COL24A1: variants seen among roughly 807,000 people sequenced by gnomAD.
COL24A1 encodes collagen type XXIV alpha 1 chain, also known as collagen alpha-1(XXIV) chain.
Under a neutral mutation model 253.9 loss-of-function variants are expected in COL24A1, and 224 were observed. The ratio of observed to expected loss-of-function variants is 0.88; its 90% CI spans 0.79 to 0.99. The LOEUF is 0.99. Ranked by LOEUF, COL24A1 falls within the 50% of genes least tolerant of loss-of-function variation. The pLI is 0.00. For synonymous variants in COL24A1, 685 were observed against 673.7 expected, an observed-to-expected ratio of 1.02 and a Z score of -0.26; for missense variants, 2,131 against 2,068.5, an observed-to-expected ratio of 1.03 and a Z score of -0.59.
chr1:86,006,323 C>T (rs951078543), intron 19 of COL24A1, among the ~76,000 whole-genome samples: 22 of 152,120 alleles, frequency 1.4e-4, no homozygotes, highest in East Asian at 3.9e-4. Flanking sequence ...AGTAGATGAG[C>T]GGAACAGAAT....
chr1:85,960,053 T>G (rs1690861334), intron 24 of COL24A1, among the ~76,000 whole-genome samples: 1 of 152,150 alleles, frequency 6.6e-6, no homozygotes, highest in Admixed American at 6.5e-5. Context: ...GACTCAGGAT[T>G]AATTAGGTAT....
Position 86,125,446 on chromosome 1 carries a change from T to G in COL24A1, c.890A>C (p.Asp297Ala), listed in dbSNP as rs1261081535. 1.2e-5 allele frequency: 19 copies of G among 1,613,630 alleles called. No homozygotes were observed. The highest frequency in any genetic ancestry group is 1.6e-5 in the Non-Finnish European group (19 of 1,179,788). The stretch of plus-strand genomic sequence containing the variant: ...TTGTCTTTTATACACGGTTTCAGAA[T>G]CATTTTTTATGATATTTGGAATGCT... ...GKSIPNIIKN[D>A]SETVYKRQEH... The change falls in exon 3 of 60, where the codon GAT becomes GCT. Residue 297 changes from aspartate (D) to alanine (A), a missense_variant. Asp to Ala is a moderately radical substitution (Grantham distance 126, BLOSUM62 -2). Coordinates refer to ENST00000370571, the MANE Select transcript of COL24A1 (RefSeq NM_152890.7).
intron 43 of COL24A1, among the ~76,000 whole-genome samples, chr1:85,825,752 C>A (rs1218059614): frequency 7.3e-6 from 1 of 136,542 alleles, no homozygotes; most frequent in African/African-American, 2.8e-5. Flanking sequence ...ATGTCCTTTG[C>A]CCACTTTTTG....
At chr1:85,998,078 T>C (rs1389658155) in intron 19 of COL24A1, among the ~76,000 whole-genome samples, 2 of 152,220 alleles carry the variant, frequency 1.3e-5, no homozygotes, top group East Asian at 3.8e-4. Flanking sequence ...TTCTGATTTT[T>C]TTAACTTAAA....
At chr1:85,964,957 T>A (rs1317939163) in intron 23 of COL24A1, 52 bp downstream of exon 23, 1 of 1,482,390 alleles carries the variant, frequency 6.7e-7, no homozygotes, top group Non-Finnish European at 9.3e-7. Flanking sequence ...GTCATAATTT[T>A]ATCTTTCTGA....
At chr1:85,910,209 T>C (rs1209776590) in intron 25 of COL24A1, among the ~76,000 whole-genome samples, 1 of 151,862 alleles carries the variant, frequency 6.6e-6, no homozygotes, top group Non-Finnish European at 1.5e-5. Context: ...TCTTAAGATG[T>C]TTTTTGGAGA....
Position 85,874,507 on chromosome 1 carries a change from A to T in COL24A1, c.3138+142T>A, listed in dbSNP as rs1048563648. The T allele has an allele frequency of 2.6e-5, 19 of 744,312 alleles. No individual in the cohort carries two copies. The East Asian group carries it at 3.3e-4, about 13-fold the overall frequency. The allele number at this position is 744,312 out of a possible 1,614,324, so 46.1% of individuals were successfully genotyped here. On this transcript the variant is annotated intron_variant, in intron 35 of 59. Transcript: ENST00000370571. The stretch of plus-strand genomic sequence containing the variant: ...GACAAGGTTTGGGATGCAGCTTTTG[A>T]AAGTATGAAATGAAACCAAACATTT...
chr1:85,898,021 T>G (rs1160635444), intron 28 of COL24A1, among the ~76,000 whole-genome samples: 1 of 152,128 alleles, frequency 6.6e-6, no homozygotes, highest in Non-Finnish European at 1.5e-5. Context: ...TATAGAGGCA[T>G]GAAAACAGAT....
At chr1:86,100,241 G>A (rs1420068663) in intron 5 of COL24A1, among the ~76,000 whole-genome samples, 1 of 152,040 alleles carries the variant, frequency 6.6e-6, no homozygotes, top group Non-Finnish European at 1.5e-5. Flanking sequence ...TTTGGATTTA[G>A]TAAACTGTTG....
At chr1:85,907,789 T>C (rs989840427) in intron 27 of COL24A1, among the ~76,000 whole-genome samples, 3 of 151,890 alleles carry the variant, frequency 2.0e-5, no homozygotes, top group African/African-American at 7.2e-5. Context: ...ATTATTTTTA[T>C]AGCTATAGTC....
chr1:86,023,085 T>G (rs1233983118), intron 14 of COL24A1, 78 bp from the exon 15 acceptor site: 1 of 1,399,668 alleles, frequency 7.1e-7, no homozygotes, highest in Non-Finnish European at 9.9e-7. Flanking sequence ...ATTAATAAAT[T>G]AATGAACCCA....
At chr1:85,835,089 G>A (rs1275508900) in intron 43 of COL24A1, among the ~76,000 whole-genome samples, 1 of 152,036 alleles carries the variant, frequency 6.6e-6, no homozygotes, top group African/African-American at 2.4e-5. Context: ...GCCCATGGCA[G>A]ACACTCAAAT....
At position 86,017,079 on chromosome 1, in the gene COL24A1, AC is replaced by A. The variant is rs965423476; in HGVS notation, c.2310+71del. 43 of 1,356,308 alleles carry A rather than the reference AC, an allele frequency of 3.2e-5. No individual in the cohort carries two copies. In the Middle Eastern group the frequency reaches 5.4e-4, roughly 17 times the overall value. The allele number at this position is 1,356,308 out of a possible 1,614,324, so 84.0% of individuals were successfully genotyped here. ...TCTTTCTTAAGCTTGCTATGTTGAA[AC>A]ATGTTTTATCAAACAAGTTTAATTT... On this transcript the variant is annotated intron_variant, in intron 19 of 59. Transcript: ENST00000370571.
chr1:86,071,077 G>C (rs1337193826), intron 7 of COL24A1, among the ~76,000 whole-genome samples: 1 of 151,964 alleles, frequency 6.6e-6, no homozygotes, highest in Non-Finnish European at 1.5e-5. Context: ...ACAACAAAAA[G>C]TTTAAAAATG....
In COL24A1 at chr1:86,046,878, T is replaced by A; in HGVS notation, c.1906-9A>T. 7.0e-7 allele frequency: 1 copy of A among 1,435,260 alleles called. No individual in the cohort carries two copies. Among genetic ancestry groups the A allele is most frequent in the Admixed American group, 1.7e-5 (1 of 59,082 alleles). The allele number at this position is 1,435,260 out of a possible 1,614,324, so 88.9% of individuals were successfully genotyped here. A position where few individuals can be genotyped will look rare whatever the true frequency, so the allele number is the denominator to read the frequency against. On this transcript the variant is annotated splice_polypyrimidine_tract_variant and intron_variant, in intron 11 of 59. Coordinates refer to ENST00000370571, the MANE Select transcript of COL24A1 (RefSeq NM_152890.7). ...CGGATCCCAGGAATGCCCTAGAATA[T>A]AGAAAAGAAAAAGGAAATATTTGTT...
rs959160648 is a variant in COL24A1, at chr1:85,970,404, C to T, written c.2419-133G>A. 11 of 905,894 alleles carry T rather than the reference C, an allele frequency of 1.2e-5. No homozygotes were observed. The East Asian group carries it at 2.0e-4, about 16-fold the overall frequency. The allele number at this position is 905,894 out of a possible 1,614,324, so 56.1% of individuals were successfully genotyped here. On this transcript the variant is annotated intron_variant, in intron 21 of 59. Coordinates refer to ENST00000370571, the MANE Select transcript of COL24A1 (RefSeq NM_152890.7). ...GTGATGAAAATAATGCTGTTATTTT[C>T]TTGTACTTTGAACTCCATCACCCCA...
intron 12 of COL24A1, among the ~76,000 whole-genome samples, chr1:86,045,281 C>T (rs974148929): frequency 6.6e-5 from 10 of 152,098 alleles, no homozygotes; most frequent in African/African-American, 1.7e-4. Context: ...TGAGCCACCG[C>T]GCCCAGCCTT....
intron 32 of COL24A1, among the ~76,000 whole-genome samples, chr1:85,887,125 CA>C (rs1426869391): frequency 2.0e-5 from 3 of 152,064 alleles, no homozygotes; most frequent in African/African-American, 7.2e-5. Flanking sequence ...TTAAAATTTA[CA>C]AGGGGATATT....
At chr1:85,845,508 A>G (rs1029240408) in intron 39 of COL24A1, among the ~76,000 whole-genome samples, 3 of 151,964 alleles carry the variant, frequency 2.0e-5, no homozygotes, top group African/African-American at 7.2e-5. Flanking sequence ...CAGGCCCACA[A>G]GACAAGGTTT....
Sources: gnomAD v4.1 joint callset for allele counts (sites outside exome capture counted in the v4.1 genomes callset) on GRCh38, gnomAD v4.1.1 for gene constraint, MANE v1.5 for transcripts, NCBI Gene and HGNC (gene_info 2026-07-23, HGNC 2026-07-21) for gene names.